DNASE1L3: variants seen among roughly 807,000 people sequenced by gnomAD.
The protein encoded by DNASE1L3 is deoxyribonuclease gamma.
In DNASE1L3, 27 loss-of-function variants were observed where a neutral mutation model predicts 30.9. The ratio of observed to expected loss-of-function variants is 0.87; its 90% CI spans 0.64 to 1.20. The LOEUF (loss-of-function observed/expected upper bound fraction) is 1.20, where lower values mean the gene tolerates loss of function less well. DNASE1L3 is among the 50% of genes most tolerant of loss of function. The probability of loss-of-function intolerance (pLI) is 0.00; values close to 1 mark genes in which losing one functional copy is unlikely to be tolerated. For synonymous variants in DNASE1L3, 135 were observed against 138.0 expected (o/e 0.98, Z 0.15); for missense variants, 364 against 378.2 (o/e 0.96, Z 0.31).
chr3:58,196,551 TAAAA>T (rs60743972), intron 6 of DNASE1L3, among the ~76,000 whole-genome samples: 2,417 of 60,660 alleles, frequency 0.04, 100 homozygotes, highest in African/African-American at 0.14. Context: ...AGACTCTGTC[TAAAA>T]AAAAAAAAAA....
At position 58,201,119 on chromosome 3, in the gene DNASE1L3, A is replaced by C; in HGVS notation, c.434-10T>G. The C allele has an allele frequency of 6.2e-7, 1 of 1,601,680 alleles. No individual in the cohort carries two copies. Among genetic ancestry groups the C allele is most frequent in the Non-Finnish European group, 8.5e-7 (1 of 1,171,650 alleles). On this transcript the variant is annotated splice_polypyrimidine_tract_variant and intron_variant, in intron 4 of 7. Transcript: ENST00000394549. ...ACGAAGTCTTTGACAGCTGAGAAAC[A>C]GGAAAGAGGCGGGGGTCACACACTT...
In DNASE1L3 at chr3:58,198,037, C is replaced by G. The variant is rs141011565; in HGVS notation, c.547-59G>C. ...GGTGCTGCTGCAGAATGCTTTCACA[C>G]TGGACTCTAGCAAAGACTCTGCGTC... On this transcript the variant is annotated intron_variant, in intron 5 of 7. Transcript: ENST00000394549. 850 of 1,548,948 alleles carry G rather than the reference C, an allele frequency of 5.5e-4. 7 individuals carry two copies. In the African/African-American group the frequency reaches 9.9e-3, roughly 18 times the overall value.
chr3:58,195,010 A>G (rs1243412198), intron 6 of DNASE1L3, among the ~76,000 whole-genome samples: 1 of 152,228 alleles, frequency 6.6e-6, no homozygotes, highest in East Asian at 1.9e-4. Flanking sequence ...TAAGACTCAG[A>G]AAGCAAAGAA....
Position 58,200,876 on chromosome 3 carries a change from T to C in DNASE1L3, c.546+121A>G, listed in dbSNP as rs2097400119. ...TGAAGAAAGGCCTTAAAGAATGCTG[T>C]AAGTGGTGGTAGCCTGCACATGCCC... On this transcript the variant is annotated intron_variant, in intron 5 of 7. Transcript: ENST00000394549. This position sits in a 1 kb window ranked among gnomAD's most constrained non-coding sequence, Gnocchi z 4.2. 1.5e-6 allele frequency: 1 copy of C among 680,428 alleles called. No homozygotes were observed. The highest frequency in any genetic ancestry group is 2.4e-6 in the Non-Finnish European group (1 of 408,834). The allele number at this position is 680,428 out of a possible 1,614,324, so 42.1% of individuals were successfully genotyped here.
chr3:58,204,792 A>T lies in DNASE1L3; in HGVS notation c.410T>A (p.Val137Asp). The change falls in exon 4 of 8, where the codon GTC (valine) becomes GAC (aspartate). Residue 137 changes from valine (V) to aspartate (D), a missense_variant. By Grantham distance (152) the Val-to-Asp change is radical. Coordinates refer to ENST00000394549, the MANE Select transcript of DNASE1L3 (RefSeq NM_004944.4). ...ACCAGTGTGGGGAGATTGGAACCAG[A>T]CCACAAAGGGCTCCCTGGAAAACAC... ...ADVFSREPFVVWFQSPHTAVK... is the reference protein window; with the variant it reads ...ADVFSREPFVDWFQSPHTAVK... 1 of 1,614,114 alleles carries T rather than the reference A, an allele frequency of 6.2e-7. No homozygotes were observed. The highest frequency in any genetic ancestry group is 8.5e-7 in the Non-Finnish European group (1 of 1,180,006).
chr3:58,210,467 A>G (rs997159217), intron 1 of DNASE1L3, among the ~76,000 whole-genome samples: 2 of 152,214 alleles, frequency 1.3e-5, no homozygotes, highest in African/African-American at 4.8e-5. Flanking sequence ...ATAAATAGCA[A>G]TAAAAATCAT....
intron 6 of DNASE1L3, among the ~76,000 whole-genome samples, chr3:58,194,047 G>A (rs1014780937): frequency 2.0e-5 from 3 of 152,242 alleles, no homozygotes; most frequent in African/African-American, 7.2e-5. Flanking sequence ...GAAATTAAGC[G>A]ATTTAATGGA....
intron 1 of DNASE1L3, 75 bp downstream of exon 1, chr3:58,210,689 TGA>T (rs1054173620): frequency 2.3e-5 from 37 of 1,596,838 alleles, no homozygotes; most frequent in African/African-American, 4.0e-5. Context: ...TTAAGTTCCT[TGA>T]GTCTCTTAAA....
At position 58,204,727 on chromosome 3, in the gene DNASE1L3, C is replaced by T. The variant is rs9311670; in HGVS notation, c.433+42G>A. ...TCAAGGCTGCTGCGCATTCATGGGC[C>T]GTTGGGGAGGTCCCAGACAGAAAGG... On this transcript the variant is annotated intron_variant, in intron 4 of 7. Coordinates refer to ENST00000394549, the MANE Select transcript of DNASE1L3 (RefSeq NM_004944.4). 1,704 of 1,571,752 alleles carry T rather than the reference C, an allele frequency of 1.1e-3. 10 individuals carry two copies. The African/African-American group carries it at 0.019, about 18-fold the overall frequency.
At chr3:58,207,456 A>AC (rs1241106928) in intron 2 of DNASE1L3, among the ~76,000 whole-genome samples, 1 of 39,694 alleles carries the variant, frequency 2.5e-5, no homozygotes, top group African/African-American at 5.5e-5. Context: ...CCCCCCCCCC[A>AC]CCAGAAGTAA....
chr3:58,195,613 CAAAA>C (rs34773952), intron 6 of DNASE1L3, among the ~76,000 whole-genome samples: 13 of 38,442 alleles, frequency 3.4e-4, no homozygotes, highest in Admixed American at 1.6e-3. Context: ...ACTAAAATTA[CAAAA>C]AAAAAAAAAA....
rs1297426108 is a variant in DNASE1L3, at chr3:58,192,813, G to A, written c.802-10C>T. 6.2e-7 allele frequency: 1 copy of A among 1,609,494 alleles called. No homozygotes were observed. Among genetic ancestry groups the A allele is most frequent in the African/African-American group, 1.3e-5 (1 of 74,498 alleles). Reference sequence around the variant, plus strand: ...CGCTGACATCCAGGGCCTATAAGGAGAAAGGGGAGGTAGACATGGAAATTA... The same window carrying A: ...CGCTGACATCCAGGGCCTATAAGGAAAAAGGGGAGGTAGACATGGAAATTA... On this transcript the variant is annotated splice_polypyrimidine_tract_variant and intron_variant, in intron 7 of 7. Transcript: ENST00000394549. The surrounding 1 kb of genome is among the most constrained non-coding windows in gnomAD (Gnocchi z 4.8).
intron 3 of DNASE1L3, among the ~76,000 whole-genome samples, chr3:58,205,221 A>G (rs978179311): frequency 2.6e-5 from 4 of 152,214 alleles, no homozygotes; most frequent in African/African-American, 9.6e-5. Context: ...GGACTTGACT[A>G]TGAGGAGTAA....
At position 58,200,914 on chromosome 3, in the gene DNASE1L3, C is replaced by T. The variant is rs3772984; in HGVS notation, c.546+83G>A. The T allele has an allele frequency of 7.3e-4, 802 of 1,096,856 alleles. 9 individuals are homozygous for T. The Admixed American group carries it at 0.011, about 14-fold the overall frequency. The allele number at this position is 1,096,856 out of a possible 1,614,324, so 67.9% of individuals were successfully genotyped here. Reference sequence around the variant, plus strand: ...CCTGCACATGCCCTTCCTCCTCCCCCTCCCTGGAGAGGTACTCATCCCACT... The same window carrying T: ...CCTGCACATGCCCTTCCTCCTCCCCTTCCCTGGAGAGGTACTCATCCCACT... On this transcript the variant is annotated intron_variant, in intron 5 of 7. Coordinates refer to ENST00000394549, the MANE Select transcript of DNASE1L3 (RefSeq NM_004944.4). This position sits in a 1 kb window ranked among gnomAD's most constrained non-coding sequence, Gnocchi z 4.2.
rs763101722 is a variant in DNASE1L3, at chr3:58,197,863, T to C, written c.662A>G (p.Glu221Gly). The change falls in exon 6 of 8, where the codon GAG (glutamate) becomes GGG (glycine). Residue 221 changes from glutamate to glycine, a missense_variant. Glu to Gly is a moderately conservative substitution (Grantham distance 98). Coordinates refer to ENST00000394549, the MANE Select transcript of DNASE1L3 (RefSeq NM_004944.4). This position sits in a 1 kb window ranked among gnomAD's most constrained non-coding sequence, Gnocchi z 5.3. ...GGTGCTCTTCTTCACCGTGGTGTCCTCTTGGTCCCCGATCAGCCAAACAAA... is the reference window on the plus strand; with the variant it reads ...GGTGCTCTTCTTCACCGTGGTGTCCCCTTGGTCCCCGATCAGCCAAACAAA... ...PRFVWLIGDQ[E>G]DTTVKKSTNC... The C allele has an allele frequency of 6.2e-7, 1 of 1,614,194 alleles. No homozygotes were observed. Among genetic ancestry groups the C allele is most frequent in the Non-Finnish European group, 8.5e-7 (1 of 1,180,038 alleles).
intron 4 of DNASE1L3, among the ~76,000 whole-genome samples, chr3:58,204,406 G>C (rs781684314): frequency 6.6e-6 from 1 of 152,166 alleles, no homozygotes; most frequent in African/African-American, 2.4e-5. Context: ...CTCCCAAAGT[G>C]CTGGGATTAC....
intron 1 of DNASE1L3, among the ~76,000 whole-genome samples, chr3:58,209,595 T>C (rs556732381): frequency 3.0e-4 from 45 of 152,310 alleles, no homozygotes; most frequent in African/African-American, 1.1e-3. Flanking sequence ...CTGCCAGTCC[T>C]CACTCCAATC....
At chr3:58,194,381 G>A (rs1027399818) in intron 6 of DNASE1L3, among the ~76,000 whole-genome samples, 8 of 137,704 alleles carry the variant, frequency 5.8e-5, no homozygotes, top group African/African-American at 1.4e-4. Context: ...AGTGCAGTGC[G>A]CCATCTCAGC....
intron 6 of DNASE1L3, among the ~76,000 whole-genome samples, chr3:58,196,000 A>G (rs1340702680): frequency 6.6e-6 from 1 of 152,022 alleles, no homozygotes; most frequent in Non-Finnish European, 1.5e-5. Context: ...TTGCCTTCTG[A>G]TTCTTCTGTA....
Sources: allele counts gnomAD v4.1 joint callset (sites outside exome capture counted in the v4.1 genomes callset), GRCh38; gene constraint gnomAD v4.1.1; non-coding constraint Gnocchi (gnomAD v3.1); transcripts MANE v1.5; gene names NCBI Gene and HGNC (gene_info 2026-07-23, HGNC 2026-07-21).